The following AOPEP variants were observed in gnomAD, a reference collection of about 807,000 sequenced individuals.
AOPEP encodes aminopeptidase O (putative), also known as aminopeptidase O.
A neutral mutation model predicts 98.1 loss-of-function variants in AOPEP; 77 were observed. That is an observed-to-expected ratio of 0.78 (90% CI 0.65 to 0.95). AOPEP has a LOEUF of 0.95. Ranked by LOEUF, AOPEP falls within the 40% of genes least tolerant of loss-of-function variation. AOPEP has a pLI of 0.00. For missense variants in AOPEP, 1,024 were observed against 1,024.7 expected (o/e 1.00, Z 0.01); for synonymous variants, 346 against 365.3 (o/e 0.95, Z 0.60).
chr9:94,728,610 G>A (rs1829817734), intron 1 of AOPEP, among the ~76,000 whole-genome samples: 1 of 152,188 alleles, frequency 6.6e-6, no homozygotes, highest in African/African-American at 2.4e-5. Flanking sequence ...TTTCCTGTAA[G>A]AAGAGACTGG....
At chr9:94,813,909 C>T (rs1331755971) in intron 5 of AOPEP, among the ~76,000 whole-genome samples, 1 of 152,130 alleles carries the variant, frequency 6.6e-6, no homozygotes, top group Non-Finnish European at 1.5e-5. Context: ...TTGACACCGC[C>T]ACAAGAAGGA....
At chr9:95,134,786 G>A in the AOPEP span, among the ~76,000 whole-genome samples, 1 of 152,252 alleles carries the variant, frequency 6.6e-6, no homozygotes, top group Non-Finnish European at 1.5e-5. Context: ...GGATGTCCAC[G>A]TGGGCTGGAG....
intron 5 of AOPEP, among the ~76,000 whole-genome samples, chr9:94,885,818 TC>T (rs2048174279): frequency 6.6e-6 from 1 of 152,236 alleles, no homozygotes; most frequent in African/African-American, 2.4e-5. Context: ...CATTATTTTT[TC>T]TGATTTACAA....
chr9:94,988,728 G>A (rs563149537), intron 11 of AOPEP, among the ~76,000 whole-genome samples: 2 of 152,236 alleles, frequency 1.3e-5, no homozygotes, highest in African/African-American at 4.8e-5. Context: ...TTGAGTTGAA[G>A]GCGCTCAGGG....
In AOPEP at chr9:94,930,828, TGA is replaced by T. The variant is rs971470375; in HGVS notation, c.1661+2301_1661+2302del. Among the ~76,000 whole-genome samples the T allele has an allele frequency of 1.3e-5, 2 of 151,434 alleles. No homozygotes were observed. The highest frequency in any genetic ancestry group is 4.9e-5 in the African/African-American group (2 of 41,192). ...GCGGGGCTGGTAACTGTAGGCTCTG[TGA>T]GAGGGGGTGTGTTGGCCCAGGAAGC... On this transcript the variant is annotated intron_variant, in intron 7 of 16. Transcript: ENST00000375315. This position sits in a 1 kb window ranked among gnomAD's most constrained non-coding sequence, Gnocchi z 4.5.
intron 5 of AOPEP, among the ~76,000 whole-genome samples, chr9:94,829,648 C>G (rs904406725): frequency 6.6e-6 from 1 of 152,164 alleles, no homozygotes; most frequent in African/African-American, 2.4e-5. Context: ...CCACAAAACA[C>G]CCTTGTGAGT....
chr9:94,831,534 T>G (rs183530089), intron 5 of AOPEP, among the ~76,000 whole-genome samples: 1 of 152,304 alleles, frequency 6.6e-6, no homozygotes, highest in East Asian at 1.9e-4. Flanking sequence ...CTTGGCTATA[T>G]AGGCTCTTTT....
chr9:95,146,449 C>G, the AOPEP span, among the ~76,000 whole-genome samples: 2 of 121,824 alleles, frequency 1.6e-5, no homozygotes, highest in Non-Finnish European at 3.1e-5. Flanking sequence ...GACTGCACCA[C>G]TGCACTCCAG....
intron 5 of AOPEP, among the ~76,000 whole-genome samples, chr9:94,868,361 G>A (rs2045940859): frequency 1.3e-5 from 2 of 152,184 alleles, no homozygotes; most frequent in Admixed American, 6.5e-5. Context: ...GACTGTGCTT[G>A]CTGACTTGAG....
At chr9:94,992,510 G>A (rs1459372992) in intron 11 of AOPEP, among the ~76,000 whole-genome samples, 1 of 152,256 alleles carries the variant, frequency 6.6e-6, no homozygotes, top group Non-Finnish European at 1.5e-5. Flanking sequence ...GAGGAGGAAA[G>A]TCGGTTTGTT....
chr9:94,906,482 T>TAATAATAATAATAATAATAAA (rs1367536683), intron 5 of AOPEP, among the ~76,000 whole-genome samples: 1 of 95,380 alleles, frequency 1.0e-5, no homozygotes, highest in African/African-American at 2.8e-5. Context: ...ATAATAATAA[T>TAATAATAATAATAATAATAAA]AAAAAAACAG....
chr9:94,764,352 A>C (rs765762513), intron 2 of AOPEP, among the ~76,000 whole-genome samples: 2 of 152,220 alleles, frequency 1.3e-5, no homozygotes, highest in Non-Finnish European at 2.9e-5. Flanking sequence ...GATTAAAAGC[A>C]ATGTGGTGTC....
Position 94,860,360 on chromosome 9 carries a change from G to A in AOPEP, c.1364+59358G>A, listed in dbSNP as rs575040018. Among the ~76,000 whole-genome samples the A allele has an allele frequency of 2.0e-5, 3 of 152,168 alleles. No homozygotes were observed. The South Asian group carries it at 6.2e-4, about 32-fold the overall frequency. The stretch of plus-strand genomic sequence containing the variant: ...CATATAAATCTGAGCTTCATTCTGA[G>A]CGTATTGGGAAGCCCAGCAGGTTTA... On this transcript the variant is annotated intron_variant, in intron 5 of 16. Transcript: ENST00000375315.
chr9:95,085,590 C>T (rs377435234), intron 16 of AOPEP: 13 of 429,858 alleles, frequency 3.0e-5, no homozygotes, highest in African/African-American at 1.2e-4. Flanking sequence ...CCGTTGCTGA[C>T]GGGCCGGCCG....
chr9:94,733,105 C>CTTT (rs537104658), intron 1 of AOPEP, among the ~76,000 whole-genome samples: 41 of 128,924 alleles, frequency 3.2e-4, no homozygotes, highest in East Asian at 4.4e-4. Context: ...TTTTCTTTCT[C>CTTT]TTTTTTTTTT....
At chr9:94,744,175 G>A (rs936847992) in intron 1 of AOPEP, among the ~76,000 whole-genome samples, 2 of 150,414 alleles carry the variant, frequency 1.3e-5, no homozygotes, top group East Asian at 2.0e-4. Context: ...GGCGGATCAC[G>A]AGGTCAGGAG....
chr9:94,728,451 C>T (rs1275750266), intron 1 of AOPEP, among the ~76,000 whole-genome samples: 1 of 152,134 alleles, frequency 6.6e-6, no homozygotes, highest in Non-Finnish European at 1.5e-5. Context: ...CAATTTCTTG[C>T]CTTCTTAAAC....
At chr9:95,011,641 A>G (rs994238165) in intron 13 of AOPEP, among the ~76,000 whole-genome samples, 7 of 152,092 alleles carry the variant, frequency 4.6e-5, no homozygotes, top group African/African-American at 1.7e-4. Flanking sequence ...AGACCCCATC[A>G]CTACAAAACA....
At chr9:94,956,481 G>A (rs545152577) in intron 9 of AOPEP, among the ~76,000 whole-genome samples, 22 of 152,180 alleles carry the variant, frequency 1.4e-4, no homozygotes, top group African/African-American at 5.1e-4. Flanking sequence ...GTTTCTTTTC[G>A]CTGTCCTCCA....
Sources: allele counts gnomAD v4.1 joint callset (sites outside exome capture counted in the v4.1 genomes callset), GRCh38; gene constraint gnomAD v4.1.1; non-coding constraint Gnocchi (gnomAD v3.1); transcripts MANE v1.5; gene names NCBI Gene and HGNC (gene_info 2026-07-23, HGNC 2026-07-21).